The following SKAP1 variants were observed in gnomAD, a reference collection of about 807,000 sequenced individuals.
The protein encoded by SKAP1 is src kinase associated phosphoprotein 1.
In SKAP1, 44 loss-of-function variants were observed where a neutral mutation model predicts 58.5. The ratio of observed to expected loss-of-function variants is 0.75; its 90% CI spans 0.59 to 0.97. The LOEUF (loss-of-function observed/expected upper bound fraction) is 0.97, where lower values mean the gene tolerates loss of function less well. SKAP1 is among the 50% of genes least tolerant of loss of function. SKAP1 has a pLI of 0.00. For missense variants in SKAP1, 390 were observed against 435.2 expected (o/e 0.90, Z 0.92); for synonymous variants, 127 against 149.7 (o/e 0.85, Z 1.11).
intron 4 of SKAP1, among the ~76,000 whole-genome samples, chr17:48,330,862 A>C (rs936775363): frequency 4.6e-5 from 7 of 152,150 alleles, no homozygotes; most frequent in Admixed American, 1.3e-4. Flanking sequence ...AACCAAGTAA[A>C]GAGAGCTATG....
intron 2 of SKAP1, 48 bp downstream of exon 2, chr17:48,396,632 T>C: frequency 8.4e-7 from 1 of 1,191,092 alleles, no homozygotes; most frequent in Non-Finnish European, 1.2e-6. Flanking sequence ...TGATTATAAA[T>C]TGTTTTAAAG....
At chr17:48,353,969 A>AGG (rs1567879858) in intron 3 of SKAP1, among the ~76,000 whole-genome samples, 2 of 148,770 alleles carry the variant, frequency 1.3e-5, no homozygotes, top group African/African-American at 5.0e-5. Flanking sequence ...AGAGGAAGAA[A>AGG]AAGAAGAAGA....
chr17:48,286,761 C>T (rs1208345342), intron 4 of SKAP1, among the ~76,000 whole-genome samples: 2 of 152,154 alleles, frequency 1.3e-5, no homozygotes, highest in Non-Finnish European at 2.9e-5. Flanking sequence ...TAGTTGCTTC[C>T]CCACTTTCTT....
chr17:48,195,601 T>C (rs558746413), intron 4 of SKAP1, among the ~76,000 whole-genome samples: 4 of 152,070 alleles, frequency 2.6e-5, no homozygotes, highest in Non-Finnish European at 5.9e-5. Context: ...GAGAAATAAA[T>C]TGGACAACAG....
intron 4 of SKAP1, among the ~76,000 whole-genome samples, chr17:48,245,417 C>A (rs1158861915): frequency 2.6e-5 from 4 of 152,118 alleles, no homozygotes; most frequent in African/African-American, 9.7e-5. Context: ...TTTGCTCCAA[C>A]AGGGATTGTT....
Position 48,150,704 on chromosome 17 carries a change from C to T in SKAP1, c.978+11765G>A, listed in dbSNP as rs116888831. On this transcript the variant is annotated intron_variant, in intron 11 of 12. Coordinates refer to ENST00000336915, the MANE Select transcript of SKAP1 (RefSeq NM_003726.4). ...GGGTGCGTATAAGATAGATGCTATG[C>T]GCTTATGAAAAAGAGCAGTATGTCT... is the stretch of plus-strand genomic sequence containing the variant. Among the ~76,000 whole-genome samples the T allele has an allele frequency of 4.9e-3, 747 of 152,162 alleles. 2 individuals are homozygous for T. Among genetic ancestry groups the T allele is most frequent in the Non-Finnish European group, 9.1e-3 (620 of 68,020 alleles).
At chr17:48,326,890 T>TTTC (rs1491273512) in intron 4 of SKAP1, among the ~76,000 whole-genome samples, 1 of 105,172 alleles carries the variant, frequency 9.5e-6, no homozygotes, top group Admixed American at 1.0e-4. Context: ...TCTTTCTTTC[T>TTTC]TTTTTTTTTT....
chr17:48,295,013 T>C (rs923433120), intron 4 of SKAP1, among the ~76,000 whole-genome samples: 1 of 152,198 alleles, frequency 6.6e-6, no homozygotes, highest in African/African-American at 2.4e-5. Context: ...TAGCTTTTGG[T>C]ACTGCTTATT....
At chr17:48,220,757 GCA>G (rs2064992511) in intron 4 of SKAP1, among the ~76,000 whole-genome samples, 2 of 148,468 alleles carry the variant, frequency 1.3e-5, no homozygotes, top group South Asian at 4.2e-4. Context: ...GGAGGCTGAG[GCA>G]CAAGAATCGC....
At chr17:48,325,408 CTGT>C (rs977450868) in intron 4 of SKAP1, among the ~76,000 whole-genome samples, 1 of 152,078 alleles carries the variant, frequency 6.6e-6, no homozygotes, top group Non-Finnish European at 1.5e-5. Flanking sequence ...GCTTACTACT[CTGT>C]AGTCAAATTA....
rs531480642 is a variant in SKAP1 at position 48,382,312 on chromosome 17, G to A, written c.152+14368C>T. On this transcript the variant is annotated intron_variant, in intron 2 of 12. Coordinates refer to ENST00000336915, the MANE Select transcript of SKAP1 (RefSeq NM_003726.4). The stretch of plus-strand genomic sequence containing the variant: ...GTATACATATGTAACAAACCTGCAC[G>A]TTGTGCACGTGTACCCTAGAACTTA... 6 of 152,236 alleles carry A rather than the reference G, an allele frequency of 3.9e-5. No individual in the cohort carries two copies. In the East Asian group the frequency reaches 5.8e-4, roughly 15 times the overall value. The allele number at this position is 152,236 out of a possible 1,614,324, so 9.4% of individuals were successfully genotyped here.
chr17:48,143,317 A>G (rs1029539497), intron 11 of SKAP1, among the ~76,000 whole-genome samples: 6 of 148,800 alleles, frequency 4.0e-5, no homozygotes, highest in African/African-American at 1.5e-4. Flanking sequence ...CTCAGCCTCC[A>G]GAGTAGCTGG....
intron 1 of SKAP1, among the ~76,000 whole-genome samples, chr17:48,409,032 C>G (rs1340346267): frequency 2.0e-5 from 3 of 152,104 alleles, no homozygotes; most frequent in Non-Finnish European, 4.4e-5. Context: ...AAAATCTTTC[C>G]TAACATATAC....
At chr17:48,283,272 A>G (rs746312511) in intron 4 of SKAP1, among the ~76,000 whole-genome samples, 1 of 152,228 alleles carries the variant, frequency 6.6e-6, no homozygotes, top group Non-Finnish European at 1.5e-5. Context: ...TTCCTAAGGG[A>G]AGACATGTTT....
chr17:48,204,979 TTC>T (rs2064780577), intron 4 of SKAP1, among the ~76,000 whole-genome samples: 1 of 57,054 alleles, frequency 1.8e-5, no homozygotes, highest in South Asian at 5.4e-4. Flanking sequence ...TTTCTTTTCT[TTC>T]TTTCTTTCTT....
chr17:48,226,511 C>G (rs2065070250), intron 4 of SKAP1, among the ~76,000 whole-genome samples: 1 of 152,132 alleles, frequency 6.6e-6, no homozygotes, highest in Non-Finnish European at 1.5e-5. Context: ...TTAAAGATAT[C>G]TAAGTCTACT....
the SKAP1 span, among the ~76,000 whole-genome samples, chr17:48,436,051 AT>A: frequency 3.3e-5 from 5 of 150,112 alleles, no homozygotes; most frequent in African/African-American, 7.4e-5. Flanking sequence ...TGTCCATTTC[AT>A]TTTTTTTCTT....
chr17:48,188,694 AAAAG>A (rs1375780782), intron 5 of SKAP1, among the ~76,000 whole-genome samples: 1 of 151,750 alleles, frequency 6.6e-6, no homozygotes, highest in Non-Finnish European at 1.5e-5. Flanking sequence ...TTAAAACAAA[AAAAG>A]AAAGAAAGAA....
intron 11 of SKAP1, among the ~76,000 whole-genome samples, chr17:48,154,442 C>T (rs566059741): frequency 1.3e-5 from 2 of 152,266 alleles, no homozygotes; most frequent in East Asian, 3.9e-4. Context: ...CCTTCCCACC[C>T]CAGCTAAGCC....
Sources: gnomAD v4.1 joint callset for allele counts (sites outside exome capture counted in the v4.1 genomes callset) on GRCh38, gnomAD v4.1.1 for gene constraint, MANE v1.5 for transcripts, NCBI Gene and HGNC (gene_info 2026-07-23, HGNC 2026-07-21) for gene names.